HDX: variants seen among roughly 807,000 people sequenced by gnomAD.
HDX encodes highly divergent homeobox, also known as chromosome X open reading frame 43.
In HDX, 19 loss-of-function variants were observed where a neutral mutation model predicts 45.2. The observed-to-expected ratio is 0.42, with a 90% CI of 0.29 to 0.62. HDX has a LOEUF of 0.62. Ranked by LOEUF, HDX falls within the 20% of genes least tolerant of loss-of-function variation. The pLI is 0.20. For synonymous variants in HDX, 188 were observed against 172.8 expected, an observed-to-expected ratio of 1.09 and a Z score of -0.69; for missense variants, 532 against 493.9, an observed-to-expected ratio of 1.08 and a Z score of -0.73.
At position 84,361,487 on chromosome X, in the gene HDX, A is replaced by G. The variant is rs760573350; in HGVS notation, c.1431T>C (p.Asn477=). The G allele has an allele frequency of 1.4e-5, 17 of 1,207,360 alleles. No homozygotes were observed. The South Asian group carries it at 2.8e-4, about 20-fold the overall frequency. ...TTACCCGAACTATTTCACAGTCAAC[A>G]TTTAATTCAGTTGCCACAGCTTCAA... is the stretch of plus-strand genomic sequence containing the variant. ...EKIEAVATEL[N]VDCEIVRTWI... is the part of the protein sequence containing the mutation. Residue 477 remains asparagine, a synonymous_variant, in exon 6 of 11, where the codon AAT becomes AAC. Transcript: ENST00000373177.
At chrX:84,409,424 G>C (rs2038926872) in intron 5 of HDX, among the ~76,000 whole-genome samples, 1 of 110,873 alleles carries the variant, frequency 9.0e-6, no homozygotes, top group African/African-American at 3.3e-5. Flanking sequence ...ACATGCACAT[G>C]TATGTTAATT....
intron 5 of HDX, among the ~76,000 whole-genome samples, chrX:84,425,858 T>TG (rs1325114504): frequency 1.8e-5 from 2 of 109,510 alleles, no homozygotes; most frequent in African/African-American, 6.6e-5. Flanking sequence ...AGTTAATGTG[T>TG]GAAAAAAAAA....
At chrX:84,495,862 G>A (rs747623845) in intron 1 of HDX, among the ~76,000 whole-genome samples, 41 of 111,374 alleles carry the variant, frequency 3.7e-4, no homozygotes, top group Non-Finnish European at 5.7e-5. Flanking sequence ...AACCCAAAAA[G>A]ACCCATTCAG....
intron 3 of HDX, among the ~76,000 whole-genome samples, chrX:84,471,140 T>C (rs1206347145): frequency 2.7e-5 from 3 of 111,324 alleles, no homozygotes; most frequent in Non-Finnish European, 5.6e-5. Context: ...CAATTTTCAA[T>C]GTTTACTGTA....
At chrX:84,352,774 A>C (rs916551647) in intron 6 of HDX, among the ~76,000 whole-genome samples, 1 of 112,133 alleles carries the variant, frequency 8.9e-6, no homozygotes, top group African/African-American at 3.2e-5. Flanking sequence ...TTTCTTACTA[A>C]AGCTTCTTAA....
At chrX:84,377,430 AGC>A (rs2038083281) in intron 5 of HDX, among the ~76,000 whole-genome samples, 1 of 111,891 alleles carries the variant, frequency 8.9e-6, no homozygotes, top group African/African-American at 3.3e-5. Flanking sequence ...ATCCTGGAGA[AGC>A]AGAGATATGT....
At chrX:84,488,324 AACACACACACACACACAC>A (rs200905875) in intron 1 of HDX, among the ~76,000 whole-genome samples, 192 bp from the exon 2 acceptor site, 1 of 94,843 alleles carries the variant, frequency 1.1e-5, no homozygotes, top group African/African-American at 3.8e-5. Flanking sequence ...TAAAATCTAA[AACACACACACACACACAC>A]ACACACACAC....
intron 6 of HDX, among the ~76,000 whole-genome samples, chrX:84,348,702 G>C (rs1002209137): frequency 1.8e-5 from 2 of 111,114 alleles, no homozygotes; most frequent in African/African-American, 6.5e-5. Context: ...GTGAATCTTT[G>C]CCGTGGCCTG....
chrX:84,413,833 C>A (rs1249286709), intron 5 of HDX, among the ~76,000 whole-genome samples: 1 of 111,235 alleles, frequency 9.0e-6, no homozygotes, highest in Non-Finnish European at 1.9e-5. Context: ...TTGTTATTAG[C>A]AGAACTGAAA....
At chrX:84,420,487 G>A (rs1424267031) in intron 5 of HDX, among the ~76,000 whole-genome samples, 7 of 110,753 alleles carry the variant, frequency 6.3e-5, no homozygotes, top group African/African-American at 2.3e-4. Context: ...CACATATATG[G>A]GATCAAAAAA....
At chrX:84,405,370 G>A (rs2038794431) in intron 5 of HDX, among the ~76,000 whole-genome samples, 2 of 110,215 alleles carry the variant, frequency 1.8e-5, no homozygotes, top group South Asian at 7.5e-4. Flanking sequence ...GTATATACTA[G>A]TTAATAACTA....
intron 5 of HDX, among the ~76,000 whole-genome samples, chrX:84,365,472 A>G (rs1027292838): frequency 4.5e-5 from 5 of 111,293 alleles, no homozygotes; most frequent in Non-Finnish European, 7.5e-5. Flanking sequence ...AACAGAGTAA[A>G]CAAGCAGGGT....
intron 9 of HDX, among the ~76,000 whole-genome samples, chrX:84,327,091 T>C (rs778003058): frequency 1.3e-4 from 15 of 111,604 alleles, no homozygotes; most frequent in African/African-American, 3.9e-4. Flanking sequence ...TTGCTGAGCC[T>C]CCACAGATTA....
At chrX:84,330,101 A>T (rs148618784) in intron 9 of HDX, among the ~76,000 whole-genome samples, 1,842 of 111,506 alleles carry the variant, frequency 0.017, 42 homozygotes, top group African/African-American at 0.057. Context: ...TGGATATGTT[A>T]TGTCGTTTGA....
intron 5 of HDX, among the ~76,000 whole-genome samples, chrX:84,422,803 G>A (rs924042737): frequency 1.9e-5 from 2 of 106,524 alleles, no homozygotes; most frequent in South Asian, 8.6e-4. Flanking sequence ...CGAGTAGCTG[G>A]GACTACAGGT....
intron 5 of HDX, among the ~76,000 whole-genome samples, chrX:84,430,011 A>G (rs2039465619): frequency 9.6e-6 from 1 of 103,772 alleles, no homozygotes; most frequent in South Asian, 4.2e-4. Flanking sequence ...AATATTTATC[A>G]CTTATTTGTT....
In HDX at chrX:84,322,371, C is replaced by T. The variant is rs371134300; in HGVS notation, c.1948-357G>A. Among the ~76,000 whole-genome samples the T allele has an allele frequency of 2.6e-3, 289 of 110,946 alleles. 1 individual carries two copies. The highest frequency in any genetic ancestry group is 9.1e-3 in the African/African-American group (278 of 30,712). On this transcript the variant is annotated intron_variant, in intron 10 of 10. Transcript: ENST00000373177. ...TCACTGTTTAAGGGATTTAAAATTGCGTTCTTTGTTAAAATATTCATGCCA... is the reference window on the plus strand; with the variant it reads ...TCACTGTTTAAGGGATTTAAAATTGTGTTCTTTGTTAAAATATTCATGCCA...
At chrX:84,335,145 T>C (rs1252594659) in intron 8 of HDX, among the ~76,000 whole-genome samples, 1 of 110,912 alleles carries the variant, frequency 9.0e-6, no homozygotes, top group East Asian at 2.8e-4. Flanking sequence ...TTGTTTTCTA[T>C]TCTAATCTCT....
chrX:84,340,679 A>G lies in HDX; in HGVS notation c.1660+3571T>C, dbSNP rs1005324730. 2.0e-4 allele frequency among the ~76,000 whole-genome samples: 22 copies of G among 111,346 alleles called. No individual in the cohort carries two copies. The Admixed American group carries it at 2.1e-3, about 11-fold the overall frequency. ...CCACTAGCAAAATGAGGAAGAGAATAGGACATAACTAGTAGGAAACTGTAC... is the reference window on the plus strand; with the variant it reads ...CCACTAGCAAAATGAGGAAGAGAATGGGACATAACTAGTAGGAAACTGTAC... On this transcript the variant is annotated intron_variant, in intron 7 of 10. Transcript: ENST00000373177.
Sources: gnomAD v4.1 joint callset for allele counts (sites outside exome capture counted in the v4.1 genomes callset) on GRCh38, gnomAD v4.1.1 for gene constraint, MANE v1.5 for transcripts, NCBI Gene and HGNC (gene_info 2026-07-23, HGNC 2026-07-21) for gene names.